ROR1: variants seen among roughly 807,000 people sequenced by gnomAD.
ROR1 encodes inactive tyrosine-protein kinase transmembrane receptor ROR1.
Under a neutral mutation model 78.8 loss-of-function variants are expected in ROR1, and 19 were observed. The observed-to-expected ratio is 0.24, with a 90% CI of 0.17 to 0.35. The LOEUF (loss-of-function observed/expected upper bound fraction) is 0.35. Among genes scored for constraint, ROR1 ranks in the 10% least tolerant of loss-of-function variants. The pLI, the probability that ROR1 is intolerant of heterozygous loss-of-function variation, is 1.00. For synonymous variants in ROR1, 386 were observed against 433.6 expected, an observed-to-expected ratio of 0.89 and a Z score of 1.36; for missense variants, 917 against 1,177.8, an observed-to-expected ratio of 0.78 and a Z score of 3.24.
At chr1:64,096,653 A>G (rs1287981221) in intron 4 of ROR1, among the ~76,000 whole-genome samples, 1 of 152,086 alleles carries the variant, frequency 6.6e-6, no homozygotes, top group Non-Finnish European at 1.5e-5. Flanking sequence ...ATTGATGGGT[A>G]TTTGGGTTGA....
chr1:64,089,809 C>T (rs1647180929), intron 4 of ROR1, among the ~76,000 whole-genome samples: 1 of 152,162 alleles, frequency 6.6e-6, no homozygotes, highest in Non-Finnish European at 1.5e-5. Context: ...ACCCAAATCT[C>T]ATCCTGAATT....
intron 1 of ROR1, among the ~76,000 whole-genome samples, chr1:63,807,516 A>G (rs1411353940): frequency 6.6e-6 from 1 of 152,244 alleles, no homozygotes; most frequent in Non-Finnish European, 1.5e-5. Flanking sequence ...TGTCCTGCTG[A>G]CATGAGCCAA....
chr1:63,901,796 C>A (rs758766765), intron 1 of ROR1, among the ~76,000 whole-genome samples: 1 of 152,016 alleles, frequency 6.6e-6, no homozygotes, highest in African/African-American at 2.4e-5. Context: ...ATACAACTCC[C>A]TTTAGATGGA....
intron 7 of ROR1, among the ~76,000 whole-genome samples, chr1:64,152,450 A>G (rs1343897491): frequency 6.6e-6 from 1 of 152,196 alleles, no homozygotes; most frequent in African/African-American, 2.4e-5. Context: ...AATGAATACT[A>G]CTATGTTGCT....
At chr1:64,150,073 A>G (rs1466026456) in intron 7 of ROR1, among the ~76,000 whole-genome samples, 1 of 152,096 alleles carries the variant, frequency 6.6e-6, no homozygotes, top group Non-Finnish European at 1.5e-5. Context: ...GTATTTTTAT[A>G]TTTAAACCAT....
At chr1:63,825,590 G>A (rs554592905) in intron 1 of ROR1, among the ~76,000 whole-genome samples, 9 of 152,310 alleles carry the variant, frequency 5.9e-5, no homozygotes, top group Non-Finnish European at 7.4e-5. Context: ...TTTAAAAGTC[G>A]AATGTGGTGA....
At chr1:64,173,468 C>T (rs987052663) in intron 8 of ROR1, among the ~76,000 whole-genome samples, 4 of 152,182 alleles carry the variant, frequency 2.6e-5, no homozygotes, top group African/African-American at 9.7e-5. Flanking sequence ...TGGCAGGCCT[C>T]TCAGGCTGAG....
intron 1 of ROR1, among the ~76,000 whole-genome samples, chr1:63,916,255 G>T (rs1049205087): frequency 6.6e-6 from 1 of 152,166 alleles, no homozygotes; most frequent in Non-Finnish European, 1.5e-5. Context: ...CATTGTTGAA[G>T]GCAAGAGGAT....
intron 1 of ROR1, among the ~76,000 whole-genome samples, chr1:64,002,719 C>T (rs887033620): frequency 2.0e-5 from 3 of 152,116 alleles, no homozygotes; most frequent in African/African-American, 7.2e-5. Context: ...AAAAAAAAGG[C>T]ATTTAAGTGT....
intron 1 of ROR1, among the ~76,000 whole-genome samples, chr1:63,967,975 T>C (rs2100493376): frequency 6.6e-6 from 1 of 152,328 alleles, no homozygotes; most frequent in Admixed American, 6.5e-5. Context: ...CTTCTTACAA[T>C]AGATACACAA....
chr1:63,991,156 A>G (rs1423874981), intron 1 of ROR1, among the ~76,000 whole-genome samples: 1 of 151,906 alleles, frequency 6.6e-6, no homozygotes. Flanking sequence ...TCACTATGCT[A>G]TCTAAGCTGG....
chr1:63,859,292 A>G (rs1426456696), intron 1 of ROR1, among the ~76,000 whole-genome samples: 1 of 152,202 alleles, frequency 6.6e-6, no homozygotes, highest in East Asian at 1.9e-4. Context: ...CCCTGTGAAG[A>G]TGAAGATCCC....
intron 4 of ROR1, among the ~76,000 whole-genome samples, chr1:64,134,481 G>A (rs1023003885): frequency 6.6e-6 from 1 of 152,084 alleles, no homozygotes; most frequent in African/African-American, 2.4e-5. Flanking sequence ...CTGAATTTGA[G>A]TTTCTCTCTC....
chr1:63,832,470 C>G (rs1644994236), intron 1 of ROR1, among the ~76,000 whole-genome samples: 1 of 152,098 alleles, frequency 6.6e-6, no homozygotes, highest in African/African-American at 2.4e-5. Context: ...GCAGTCTCCT[C>G]CCTTGACATG....
intron 2 of ROR1, among the ~76,000 whole-genome samples, chr1:64,032,949 G>C (rs1415394274): frequency 6.6e-6 from 1 of 152,174 alleles, no homozygotes; most frequent in Non-Finnish European, 1.5e-5. Flanking sequence ...GATGGTGGTT[G>C]CCAGGGATTG....
intron 1 of ROR1, among the ~76,000 whole-genome samples, chr1:63,905,637 A>G (rs1645522014): frequency 6.6e-6 from 1 of 152,212 alleles, no homozygotes; most frequent in African/African-American, 2.4e-5. Context: ...CAAGATATCT[A>G]TAATCTGTTG....
intron 1 of ROR1, among the ~76,000 whole-genome samples, chr1:63,844,986 C>G (rs1189722606): frequency 6.6e-6 from 1 of 152,104 alleles, no homozygotes. Context: ...TCCAGTTGTC[C>G]TCAGCCTGGC....
rs1008239938 is a variant in ROR1, at chr1:63,985,230, G to A, written c.92-24075G>A. Among the ~76,000 whole-genome samples the A allele has an allele frequency of 1.2e-4, 18 of 152,148 alleles. 1 individual carries two copies. Among genetic ancestry groups the A allele is most frequent in the Admixed American group, 1.0e-3 (16 of 15,266 alleles). On this transcript the variant is annotated intron_variant, in intron 1 of 8. Coordinates refer to ENST00000371079, the MANE Select transcript of ROR1 (RefSeq NM_005012.4). The stretch of plus-strand genomic sequence containing the variant: ...TAGGAAATCTGATAACGAAGCTTGT[G>A]AAAAGTACGTATAAACAGCTTCTGA...
At chr1:64,102,883 AACC>A (rs1232124725) in intron 4 of ROR1, among the ~76,000 whole-genome samples, 2 of 152,128 alleles carry the variant, frequency 1.3e-5, no homozygotes, top group African/African-American at 4.8e-5. Context: ...GGATGCCAGC[AACC>A]CCTTTCTCCC....
Sources: allele counts gnomAD v4.1 joint callset (sites outside exome capture counted in the v4.1 genomes callset), GRCh38; gene constraint gnomAD v4.1.1; transcripts MANE v1.5; gene names NCBI Gene and HGNC (gene_info 2026-07-23, HGNC 2026-07-21).